Variants in SLC9A9 observed in about 807,000 individuals in gnomAD.
SLC9A9 encodes the protein solute carrier family 9 member A9, also known as sodium/hydrogen exchanger 9.
A neutral mutation model predicts 77.8 loss-of-function variants in SLC9A9; 62 were observed. That is an observed-to-expected ratio of 0.80 (90% CI 0.65 to 0.98). SLC9A9 has a LOEUF of 0.98. SLC9A9 is among the 50% of genes least tolerant of loss of function. The probability of loss-of-function intolerance (pLI) is 0.00; values close to 1 mark genes in which losing one functional copy is unlikely to be tolerated. For synonymous variants in SLC9A9, 320 were observed against 283.5 expected (o/e 1.13, Z -1.29); for missense variants, 775 against 774.9 (o/e 1.00, Z 0.00).
intron 7 of SLC9A9, among the ~76,000 whole-genome samples, chr3:143,577,298 G>T (rs1476277999): frequency 6.6e-6 from 1 of 152,042 alleles, no homozygotes; most frequent in Admixed American, 6.6e-5. Flanking sequence ...GTCCTCCCAG[G>T]CATGTCTTCC....
intron 14 of SLC9A9, among the ~76,000 whole-genome samples, chr3:143,343,792 A>C (rs1339695257): frequency 1.3e-5 from 2 of 152,188 alleles, no homozygotes; most frequent in Admixed American, 1.3e-4. Context: ...TTTCCCAACA[A>C]GGAGTCTTTG....
chr3:143,796,558 T>C (rs2008390080), intron 3 of SLC9A9, among the ~76,000 whole-genome samples: 1 of 152,202 alleles, frequency 6.6e-6, no homozygotes, highest in Non-Finnish European at 1.5e-5. Flanking sequence ...AAATCCAGTG[T>C]GTATTTTACA....
chr3:143,429,744 G>A (rs2034475523), intron 12 of SLC9A9, among the ~76,000 whole-genome samples: 1 of 128,108 alleles, frequency 7.8e-6, no homozygotes, highest in Non-Finnish European at 1.6e-5. Context: ...CTGAGTGTGT[G>A]TGGAGTCCTA....
At chr3:143,689,561 C>T (rs1289099327) in intron 5 of SLC9A9, among the ~76,000 whole-genome samples, 4 of 151,984 alleles carry the variant, frequency 2.6e-5, no homozygotes, top group African/African-American at 9.7e-5. Flanking sequence ...TGCACCACCA[C>T]ACTAGGCTAT....
intron 4 of SLC9A9, among the ~76,000 whole-genome samples, chr3:143,770,493 CT>C (rs1166513994): frequency 2.0e-5 from 3 of 152,118 alleles, no homozygotes; most frequent in Non-Finnish European, 2.9e-5. Context: ...GGGTAACAAT[CT>C]TGTGTTGGGA....
At chr3:143,811,672 A>G (rs1456114186) in intron 2 of SLC9A9, 2 of 454,490 alleles carry the variant, frequency 4.4e-6, no homozygotes, top group Non-Finnish European at 8.8e-6. Flanking sequence ...ATGGCAAAAA[A>G]TGGTCTCCAG....
At chr3:143,508,331 C>T (rs750731772) in intron 9 of SLC9A9, among the ~76,000 whole-genome samples, 14 of 152,138 alleles carry the variant, frequency 9.2e-5, no homozygotes, top group Non-Finnish European at 1.8e-4. Context: ...AACTAAAATA[C>T]GTAGGATTGA....
chr3:143,691,841 C>T (rs1933479095), intron 5 of SLC9A9, among the ~76,000 whole-genome samples: 1 of 152,060 alleles, frequency 6.6e-6, no homozygotes, highest in East Asian at 1.9e-4. Flanking sequence ...TAACATGATT[C>T]CCCATGGTAT....
At chr3:143,338,002 A>G (rs994212525) in intron 14 of SLC9A9, among the ~76,000 whole-genome samples, 2 of 152,232 alleles carry the variant, frequency 1.3e-5, no homozygotes, top group African/African-American at 2.4e-5. Flanking sequence ...ATGCTAATTA[A>G]GTGACTTTTG....
chr3:143,599,682 A>G (rs746178452), intron 6 of SLC9A9, among the ~76,000 whole-genome samples: 2 of 152,194 alleles, frequency 1.3e-5, no homozygotes, highest in African/African-American at 2.4e-5. Flanking sequence ...AAGGAATCCA[A>G]ATTCCTTCAA....
At position 143,306,508 on chromosome 3, in the gene SLC9A9, T is replaced by C. The variant is rs189935492; in HGVS notation, c.1605-37528A>G. ...GTAAGCACTTGAGTTTATTCTTATA[T>C]CTTTAAAAACATGTCTTGCCTGTAA... On this transcript the variant is annotated intron_variant, in intron 14 of 15. Transcript: ENST00000316549. 6.6e-5 allele frequency among the ~76,000 whole-genome samples: 10 copies of C among 152,340 alleles called. No individual in the cohort carries two copies. In the East Asian group the frequency reaches 1.9e-3, roughly 29 times the overall value.
chr3:143,402,063 G>T lies in SLC9A9; in HGVS notation c.1470-19949C>A, dbSNP rs568111170. Among the ~76,000 whole-genome samples the T allele has an allele frequency of 2.0e-5, 3 of 152,232 alleles. No individual in the cohort carries two copies. In the East Asian group the frequency reaches 5.8e-4, roughly 29 times the overall value. On this transcript the variant is annotated intron_variant, in intron 12 of 15. Transcript: ENST00000316549. The stretch of plus-strand genomic sequence containing the variant: ...TGGTGAAAACACCAGTCTCAGAACT[G>T]TAAGTGGAAGGAAGCTCAGATGATC...
chr3:143,660,484 C>T (rs1179670665), intron 5 of SLC9A9, among the ~76,000 whole-genome samples: 1 of 152,220 alleles, frequency 6.6e-6, no homozygotes, highest in Non-Finnish European at 1.5e-5. Flanking sequence ...CTAGAGCTTT[C>T]TGATGAGAAT....
chr3:143,845,961 GC>G lies in SLC9A9; in HGVS notation c.175+2186del, dbSNP rs1406452023. ...ACTTAATTCCACTCATAAACTTTAA[GC>G]CTTTATCTGCCTTAAGAACAGCAAT... is the stretch of plus-strand genomic sequence containing the variant. On this transcript the variant is annotated intron_variant, in intron 1 of 15. Transcript: ENST00000316549. Among the ~76,000 whole-genome samples the G allele has an allele frequency of 2.0e-5, 3 of 152,258 alleles. No homozygotes were observed. The East Asian group carries it at 5.8e-4, about 29-fold the overall frequency.
chr3:143,831,947 G>C, intron 2 of SLC9A9, 72 bp downstream of exon 2: 3 of 1,392,826 alleles, frequency 2.2e-6, no homozygotes, highest in South Asian at 1.2e-5. Context: ...TATATAAAAA[G>C]TATAAAGGCT....
chr3:143,838,061 T>C (rs2009613760), intron 1 of SLC9A9, among the ~76,000 whole-genome samples: 1 of 152,212 alleles, frequency 6.6e-6, no homozygotes, highest in Non-Finnish European at 1.5e-5. Flanking sequence ...TCTTTATTGC[T>C]TAATTCTGTT....
At chr3:143,542,968 AG>A (rs1196443148) in intron 9 of SLC9A9, among the ~76,000 whole-genome samples, 1 of 152,226 alleles carries the variant, frequency 6.6e-6, no homozygotes, top group East Asian at 1.9e-4. Flanking sequence ...ACTAAAAAGA[AG>A]TGTGGTGAGT....
At chr3:143,382,689 CA>C (rs1249390115) in intron 12 of SLC9A9, among the ~76,000 whole-genome samples, 2 of 151,756 alleles carry the variant, frequency 1.3e-5, no homozygotes, top group Non-Finnish European at 2.9e-5. Flanking sequence ...GGATAAGTTA[CA>C]AAAAAAATTA....
intron 4 of SLC9A9, among the ~76,000 whole-genome samples, chr3:143,758,406 G>GTTTTC (rs1301724863): frequency 6.6e-6 from 1 of 152,048 alleles, no homozygotes; most frequent in Non-Finnish European, 1.5e-5. Flanking sequence ...GGCTTTTCTT[G>GTTTTC]TTTTCTTTTT....
Sources: gnomAD v4.1 joint callset for allele counts (sites outside exome capture counted in the v4.1 genomes callset) on GRCh38, gnomAD v4.1.1 for gene constraint, MANE v1.5 for transcripts, NCBI Gene and HGNC (gene_info 2026-07-23, HGNC 2026-07-21) for gene names.